Variants in ARHGAP42 observed in about 807,000 individuals in gnomAD.
ARHGAP42 encodes rho GTPase-activating protein 42.
Under a neutral mutation model 125.0 loss-of-function variants are expected in ARHGAP42, and 63 were observed. The ratio of observed to expected loss-of-function variants is 0.50; its 90% CI spans 0.41 to 0.62. The LOEUF (loss-of-function observed/expected upper bound fraction) is 0.62. Ranked by LOEUF, ARHGAP42 falls within the 20% of genes least tolerant of loss-of-function variation. ARHGAP42 has a pLI of 0.00. For synonymous variants in ARHGAP42, 339 were observed against 351.0 expected (o/e 0.97, Z 0.38); for missense variants, 766 against 1,024.2 (o/e 0.75, Z 3.44).
intron 1 of ARHGAP42, among the ~76,000 whole-genome samples, chr11:100,716,230 C>T (rs1861658484): frequency 6.6e-6 from 1 of 152,076 alleles, no homozygotes; most frequent in African/African-American, 2.4e-5. Flanking sequence ...TGTGCTGGGT[C>T]CTTGGGGGTG....
chr11:100,936,256 G>A lies in ARHGAP42; in HGVS notation c.756G>A (p.Arg252=). The A allele has an allele frequency of 6.4e-7, 1 of 1,551,724 alleles. No individual in the cohort carries two copies. The highest frequency in any genetic ancestry group is 8.7e-7 in the Non-Finnish European group (1 of 1,146,954). Residue 252 remains arginine, a synonymous_variant, in exon 8 of 24, where the codon AGG becomes AGA. Transcript: ENST00000298815. ...AAGAGGTAGAGCGGTTGATGCAAAG[G>A]ATGAAATCTGCTAACCAGGACTACA... The part of the protein sequence containing the change: ...TRQEVERLMQ[R]MKSANQDYRP...
chr11:100,965,548 C>A, intron 16 of ARHGAP42, 123 bp from the exon 17 acceptor site: 3 of 806,970 alleles, frequency 3.7e-6, no homozygotes, highest in Non-Finnish European at 6.2e-6. Context: ...GACAGTACTA[C>A]ATGAAGCAAT....
chr11:100,705,977 CTTTTTT>C (rs34731514), intron 1 of ARHGAP42, among the ~76,000 whole-genome samples: 1 of 112,052 alleles, frequency 8.9e-6, no homozygotes, highest in Non-Finnish European at 1.8e-5. Context: ...AGTTAAGTAA[CTTTTTT>C]TTTTTTTTTT....
At chr11:100,915,944 T>A (rs562854415) in intron 5 of ARHGAP42, among the ~76,000 whole-genome samples, 1 of 152,280 alleles carries the variant, frequency 6.6e-6, no homozygotes, top group African/African-American at 2.4e-5. Flanking sequence ...GCATTAAAAG[T>A]CATCTGCTCC....
At chr11:100,855,995 A>G (rs1865314173) in intron 3 of ARHGAP42, among the ~76,000 whole-genome samples, 1 of 152,052 alleles carries the variant, frequency 6.6e-6, no homozygotes, top group Admixed American at 6.6e-5. Context: ...GAGTCTTAAA[A>G]TTGATTTTGT....
chr11:100,840,804 G>T (rs909933214), intron 3 of ARHGAP42: 23 of 152,196 alleles, frequency 1.5e-4, no homozygotes, highest in African/African-American at 4.8e-4. Flanking sequence ...TCCCAAATTT[G>T]TATTAAATTG....
rs1031081210 is a variant in ARHGAP42 at position 100,993,393 on chromosome 11, C to T, written c.*4592C>T. 1.2e-5 allele frequency: 2 copies of T among 166,898 alleles called. No homozygotes were observed. Among genetic ancestry groups the T allele is most frequent in the African/African-American group, 4.8e-5 (2 of 41,388 alleles). 10.3% of individuals were successfully genotyped at this position (166,898 alleles called of 1,614,324 possible). ...CAGCATTTTTGAGGCTTTATATCTG[C>T]CCGTGTACCCTCAACTGCCTCCTTT... On this transcript the variant is annotated 3_prime_UTR_variant, in exon 24 of 24. Transcript: ENST00000298815.
At chr11:100,835,069 A>C (rs115559456) in intron 3 of ARHGAP42, among the ~76,000 whole-genome samples, 9 of 152,200 alleles carry the variant, frequency 5.9e-5, no homozygotes, top group African/African-American at 2.2e-4. Flanking sequence ...AAACTCTGAA[A>C]TGTGTCAAAT....
At chr11:100,756,209 G>T (rs981314523) in intron 1 of ARHGAP42, among the ~76,000 whole-genome samples, 1 of 113,936 alleles carries the variant, frequency 8.8e-6, no homozygotes, top group African/African-American at 3.5e-5. Flanking sequence ...AATACAGTGA[G>T]ACCTTGTCTC....
chr11:100,967,101 A>T (rs1394844618), intron 17 of ARHGAP42, among the ~76,000 whole-genome samples: 1 of 152,164 alleles, frequency 6.6e-6, no homozygotes, highest in African/African-American at 2.4e-5. Context: ...CCACAAATTT[A>T]CTTATAAAAA....
At chr11:100,770,823 C>T (rs781182650) in intron 2 of ARHGAP42, among the ~76,000 whole-genome samples, 7 of 152,250 alleles carry the variant, frequency 4.6e-5, no homozygotes, top group Non-Finnish European at 7.3e-5. Context: ...AGGTGATCCA[C>T]CCGCCTCGAC....
intron 4 of ARHGAP42, among the ~76,000 whole-genome samples, chr11:100,910,464 AT>A (rs565858383): frequency 6.6e-6 from 1 of 152,098 alleles, no homozygotes. Context: ...TGAAGTCTCT[AT>A]TTTTTTAAAA....
At chr11:100,866,684 C>T (rs1046905651) in intron 4 of ARHGAP42, among the ~76,000 whole-genome samples, 1 of 152,118 alleles carries the variant, frequency 6.6e-6, no homozygotes, top group Non-Finnish European at 1.5e-5. Context: ...TTTCAAACAA[C>T]CAGATCCCAT....
chr11:100,757,329 G>A (rs1698492625), intron 1 of ARHGAP42, among the ~76,000 whole-genome samples: 1 of 152,178 alleles, frequency 6.6e-6, no homozygotes, highest in Non-Finnish European at 1.5e-5. Flanking sequence ...GTTTGGGTAA[G>A]TCACTTAACC....
At chr11:100,956,257 A>G (rs77332548) in intron 12 of ARHGAP42, among the ~76,000 whole-genome samples, 7,564 of 152,252 alleles carry the variant, frequency 0.05, 330 homozygotes, top group East Asian at 0.25. Flanking sequence ...GCCACAGTGA[A>G]TTAAGTTATA....
Position 100,917,015 on chromosome 11 carries a change from TTG to T in ARHGAP42, c.486+3498_486+3499del, listed in dbSNP as rs6144479. Among the ~76,000 whole-genome samples, 617 of 149,614 alleles carry T rather than the reference TTG, an allele frequency of 4.1e-3. 3 individuals carry two copies. Among genetic ancestry groups the T allele is most frequent in the South Asian group, 0.015 (72 of 4,702 alleles). On this transcript the variant is annotated intron_variant, in intron 5 of 23. Transcript: ENST00000298815. ...TATACAGGTTTGTTTTAAAATAAGT[TTG>T]TGTGTGTGTGTGTGTGTGTGTGTGT...
At chr11:100,837,714 T>A (rs1864842291) in intron 3 of ARHGAP42, among the ~76,000 whole-genome samples, 1 of 138,042 alleles carries the variant, frequency 7.2e-6, no homozygotes, top group Admixed American at 7.6e-5. Context: ...TATGCTTAAT[T>A]TGGAACTGTC....
At chr11:100,903,184 A>G (rs1463826582) in intron 4 of ARHGAP42, among the ~76,000 whole-genome samples, 1 of 148,442 alleles carries the variant, frequency 6.7e-6, no homozygotes, top group South Asian at 2.2e-4. Flanking sequence ...GCTTTGCCTC[A>G]GGCAGTTTTC....
intron 3 of ARHGAP42, among the ~76,000 whole-genome samples, chr11:100,816,274 C>T (rs182149966): frequency 3.9e-5 from 6 of 152,256 alleles, no homozygotes; most frequent in African/African-American, 1.4e-4. Context: ...ACTAACAGAG[C>T]ACAAGTATTC....
Sources: gnomAD v4.1 joint callset for allele counts (sites outside exome capture counted in the v4.1 genomes callset) on GRCh38, gnomAD v4.1.1 for gene constraint, MANE v1.5 for transcripts, NCBI Gene and HGNC (gene_info 2026-07-23, HGNC 2026-07-21) for gene names.